Variants in DMD observed in about 807,000 individuals in gnomAD.
DMD encodes the protein dystrophin, also known as mutant dystrophin.
In DMD, 63 loss-of-function variants were observed where a neutral mutation model predicts 330.1. The observed-to-expected ratio is 0.19, with a 90% CI of 0.16 to 0.24. The LOEUF is 0.24. Among genes scored for constraint, DMD ranks in the 10% least tolerant of loss-of-function variants. DMD has a pLI of 1.00. For synonymous variants in DMD, 1,223 were observed against 959.8 expected, an observed-to-expected ratio of 1.27 and a Z score of -5.07; for missense variants, 3,344 against 2,684.1, an observed-to-expected ratio of 1.25 and a Z score of -5.43.
intron 44 of DMD, among the ~76,000 whole-genome samples, chrX:31,987,861 T>C (rs1292583735): frequency 1.8e-5 from 2 of 111,862 alleles, no homozygotes; most frequent in Admixed American, 1.9e-4. Context: ...GCAAATAAAA[T>C]CAGTATGTCA....
chrX:32,701,999 A>G (rs369210089), intron 7 of DMD, among the ~76,000 whole-genome samples: 1 of 112,016 alleles, frequency 8.9e-6, no homozygotes, highest in Admixed American at 9.5e-5. Flanking sequence ...CAAAACTGCC[A>G]GTAGGTAGAA....
chrX:31,362,318 C>T lies in DMD; in HGVS notation c.9085-13684G>A, dbSNP rs148960607. ...TGAAACTTTTTGAGTACTGACATGA[C>T]GTCACAAGTGGAAAATTTCACACCT... On this transcript the variant is annotated intron_variant, in intron 60 of 78. Coordinates refer to ENST00000357033, the MANE Select transcript of DMD (RefSeq NM_004006.3). 9.8e-3 allele frequency among the ~76,000 whole-genome samples: 1,096 copies of T among 112,010 alleles called. 10 individuals carry two copies. The highest frequency in any genetic ancestry group is 0.034 in the African/African-American group (1,038 of 30,865).
At chrX:32,952,929 G>A (rs1001399235) in intron 2 of DMD, among the ~76,000 whole-genome samples, 3 of 109,946 alleles carry the variant, frequency 2.7e-5, no homozygotes, top group Non-Finnish European at 5.7e-5. Flanking sequence ...GAGGTCAGGA[G>A]TTCAAGACCA....
chrX:32,685,150 C>T (rs772062845), intron 9 of DMD, among the ~76,000 whole-genome samples: 5 of 109,242 alleles, frequency 4.6e-5, no homozygotes, highest in Admixed American at 1.9e-4. Context: ...ACAGTGCTTC[C>T]GGCATACTTG....
chrX:31,663,450 T>A lies in DMD; in HGVS notation c.7873-5306A>T, dbSNP rs186992122. 3.5e-3 allele frequency among the ~76,000 whole-genome samples: 388 copies of A among 111,899 alleles called. 3 individuals carry two copies. Among genetic ancestry groups the A allele is most frequent in the Middle Eastern group, 4.6e-3 (1 of 218 alleles). On this transcript the variant is annotated intron_variant, in intron 53 of 78. Coordinates refer to ENST00000357033, the MANE Select transcript of DMD (RefSeq NM_004006.3). ...TATTGAATTTCCTCTGTTTGAAATA[T>A]CGAATGTGGTTTACAGACTAATTCC...
intron 59 of DMD, among the ~76,000 whole-genome samples, chrX:31,458,564 A>G (rs2066333867): frequency 9.1e-6 from 1 of 109,522 alleles, no homozygotes; most frequent in Non-Finnish European, 1.9e-5. Flanking sequence ...TACCCTTTAG[A>G]AAAAGTGATT....
intron 2 of DMD, among the ~76,000 whole-genome samples, chrX:32,903,475 G>A (rs1456125460): frequency 1.8e-5 from 2 of 110,771 alleles, no homozygotes; most frequent in African/African-American, 3.3e-5. Flanking sequence ...GTAGGGAAAC[G>A]TTAAAGCATT....
chrX:33,102,001 T>C lies in DMD; in HGVS notation c.32-81801A>G, dbSNP rs908150323. Among the ~76,000 whole-genome samples, 11 of 112,004 alleles carry C rather than the reference T, an allele frequency of 9.8e-5. No individual in the cohort carries two copies. In the Admixed American group the frequency reaches 1.0e-3, roughly 11 times the overall value. ...GAAGGTTTTCAATGTTTATTCCAAA[T>C]GATTTCAAGTTGACGTTATAAGTTC... On this transcript the variant is annotated intron_variant, in intron 1 of 78. Transcript: ENST00000357033.
chrX:33,306,827 C>G (rs996392474), intron 1 of DMD, among the ~76,000 whole-genome samples: 5 of 111,167 alleles, frequency 4.5e-5, no homozygotes, highest in Non-Finnish European at 5.7e-5. Flanking sequence ...CAACAAGATA[C>G]TATGGCGCTA....
chrX:33,272,858 C>T (rs1433832011), intron 1 of DMD, among the ~76,000 whole-genome samples: 2 of 111,252 alleles, frequency 1.8e-5, no homozygotes, highest in Non-Finnish European at 3.8e-5. Context: ...AAGCTTTAGT[C>T]ACTTGCTCTT....
chrX:32,527,102 C>G lies in DMD; in HGVS notation c.2169-8971G>C, dbSNP rs1254483520. On this transcript the variant is annotated intron_variant, in intron 17 of 78. Transcript: ENST00000357033. ...GAATTTCATAAAAACTTATAAGCCT[C>G]ATCCTTAGAAACCTGAAAGGAAAAT... Among the ~76,000 whole-genome samples the G allele has an allele frequency of 4.5e-5, 5 of 111,754 alleles. No individual in the cohort carries two copies. In the East Asian group the frequency reaches 1.4e-3, roughly 31 times the overall value.
intron 62 of DMD, among the ~76,000 whole-genome samples, chrX:31,300,023 T>A (rs2054523579): frequency 1.8e-5 from 2 of 111,605 alleles, no homozygotes; most frequent in Admixed American, 1.9e-4. Context: ...AAATAAAGAT[T>A]TTTTTTTCAC....
rs1024012819 is a variant in DMD at position 32,201,551 on chromosome X, A to G, written c.6438+15365T>C. ...AACTCTCTGGAATTTGAATTTAAAT[A>G]AAGAGTAGACTTCTTATTTCATTTT... is the stretch of plus-strand genomic sequence containing the variant. On this transcript the variant is annotated intron_variant, in intron 44 of 78. Transcript: ENST00000357033. Among the ~76,000 whole-genome samples, 5 of 107,903 alleles carry G rather than the reference A, an allele frequency of 4.6e-5. No homozygotes were observed. In the East Asian group the frequency reaches 1.5e-3, roughly 32 times the overall value. The allele number at this position is 107,903 out of a possible 115,157, so 93.7% of individuals were successfully genotyped here.
At chrX:31,862,560 T>C (rs2093724847) in intron 48 of DMD, among the ~76,000 whole-genome samples, 1 of 112,486 alleles carries the variant, frequency 8.9e-6, no homozygotes, top group African/African-American at 3.2e-5. Context: ...GCAGATTATC[T>C]TAAAATTCGA....
intron 1 of DMD, among the ~76,000 whole-genome samples, chrX:33,336,079 T>C (rs183719794): frequency 3.4e-3 from 378 of 111,188 alleles, no homozygotes; most frequent in African/African-American, 0.012. Context: ...GAAAAAATAT[T>C]GCATATTTTT....
At chrX:31,571,360 TTTAA>T (rs1231306220) in intron 55 of DMD, among the ~76,000 whole-genome samples, 1 of 109,036 alleles carries the variant, frequency 9.2e-6, no homozygotes, top group Non-Finnish European at 1.9e-5. Flanking sequence ...TCAGAGAATT[TTTAA>T]TTGTCTGTCT....
intron 59 of DMD, among the ~76,000 whole-genome samples, chrX:31,446,784 G>T (rs1000691252): frequency 8.9e-6 from 1 of 112,022 alleles, no homozygotes; most frequent in African/African-American, 3.2e-5. Context: ...CAAGGACAAC[G>T]GTTACAAAAT....
chrX:31,573,496 T>A (rs908823255), intron 55 of DMD, among the ~76,000 whole-genome samples: 1 of 111,626 alleles, frequency 9.0e-6, no homozygotes, highest in African/African-American at 3.3e-5. Context: ...ATAAATATGT[T>A]CATACAAGGT....
chrX:32,408,956 T>C (rs1290656576), intron 30 of DMD, among the ~76,000 whole-genome samples: 1 of 109,603 alleles, frequency 9.1e-6, no homozygotes, highest in Non-Finnish European at 1.9e-5. Flanking sequence ...ACCCCATCTC[T>C]ATATTTAAAA....
Sources: allele counts gnomAD v4.1 joint callset (sites outside exome capture counted in the v4.1 genomes callset), GRCh38; gene constraint gnomAD v4.1.1; transcripts MANE v1.5; gene names NCBI Gene and HGNC (gene_info 2026-07-23, HGNC 2026-07-21).